Variants in ERBB4 observed in about 807,000 individuals in gnomAD.
ERBB4 encodes the protein receptor tyrosine-protein kinase erbB-4.
In ERBB4, 42 loss-of-function variants were observed where a neutral mutation model predicts 158.0. That is an observed-to-expected ratio of 0.27 (90% CI 0.21 to 0.34). ERBB4 has a LOEUF of 0.34. ERBB4 is among the 10% of genes least tolerant of loss of function. The pLI, the probability that ERBB4 is intolerant of heterozygous loss-of-function variation, is 1.00. For missense variants in ERBB4, 1,333 were observed against 1,624.1 expected (o/e 0.82, Z 3.08); for synonymous variants, 583 against 558.7 (o/e 1.04, Z -0.61).
At chr2:211,515,912 A>ATATTTTTTTTT (rs35696520) in intron 20 of ERBB4, among the ~76,000 whole-genome samples, 1 of 78,984 alleles carries the variant, frequency 1.3e-5, no homozygotes, top group Non-Finnish European at 2.4e-5. Context: ...ATATATATAT[A>ATATTTTTTTTT]TTTTTTTTTT....
intron 20 of ERBB4, among the ~76,000 whole-genome samples, chr2:211,432,507 C>G (rs73067256): frequency 9.9e-5 from 15 of 152,018 alleles, no homozygotes; most frequent in Non-Finnish European, 1.8e-4. Flanking sequence ...CTTTTGCCCT[C>G]TCTCCTAAAC....
intron 22 of ERBB4, among the ~76,000 whole-genome samples, chr2:211,426,474 G>A (rs2063629873): frequency 1.3e-5 from 2 of 152,186 alleles, no homozygotes; most frequent in East Asian, 1.9e-4. Context: ...TATGAATATG[G>A]GTTGATGACC....
chr2:212,155,618 C>T (rs1417724099), intron 1 of ERBB4, among the ~76,000 whole-genome samples: 1 of 151,942 alleles, frequency 6.6e-6, no homozygotes, highest in Non-Finnish European at 1.5e-5. Context: ...TCTTAAACGG[C>T]GACCACAGAA....
chr2:212,335,603 T>C (rs970096474), intron 1 of ERBB4, among the ~76,000 whole-genome samples: 5 of 152,038 alleles, frequency 3.3e-5, no homozygotes, highest in Non-Finnish European at 7.4e-5. Context: ...TATGAATTAA[T>C]ATGGAATAAA....
intron 12 of ERBB4, among the ~76,000 whole-genome samples, chr2:211,700,688 A>C (rs1029740580): frequency 2.0e-5 from 3 of 152,234 alleles, no homozygotes; most frequent in African/African-American, 7.2e-5. Flanking sequence ...AACTTTAAAA[A>C]AGTCTTCTAT....
At chr2:211,584,323 T>G (rs544758560) in intron 19 of ERBB4, among the ~76,000 whole-genome samples, 1 of 152,052 alleles carries the variant, frequency 6.6e-6, no homozygotes, top group East Asian at 1.9e-4. Flanking sequence ...TAATATTTGA[T>G]GTTATGGATA....
At chr2:212,166,769 G>C (rs2081358439) in intron 1 of ERBB4, among the ~76,000 whole-genome samples, 1 of 151,912 alleles carries the variant, frequency 6.6e-6, no homozygotes, top group African/African-American at 2.4e-5. Flanking sequence ...GCAGAACAGA[G>C]GCCTCAGAAA....
chr2:211,435,057 A>G (rs768917731), intron 20 of ERBB4, among the ~76,000 whole-genome samples: 1 of 152,232 alleles, frequency 6.6e-6, no homozygotes, highest in Non-Finnish European at 1.5e-5. Context: ...TCTGTGCTAG[A>G]TTCCTTCAAA....
intron 4 of ERBB4, among the ~76,000 whole-genome samples, chr2:211,751,185 G>A (rs2075121699): frequency 6.6e-6 from 1 of 152,004 alleles, no homozygotes; most frequent in Non-Finnish European, 1.5e-5. Context: ...TAGAATAAAT[G>A]GTAAAATCAT....
intron 20 of ERBB4, among the ~76,000 whole-genome samples, chr2:211,529,658 T>C (rs141854919): frequency 5.0e-4 from 76 of 152,198 alleles, no homozygotes; most frequent in African/African-American, 1.7e-3. Context: ...CATAACCAAG[T>C]GGGATGTATC....
chr2:212,095,189 G>A (rs1435578852), intron 2 of ERBB4, among the ~76,000 whole-genome samples: 1 of 152,084 alleles, frequency 6.6e-6, no homozygotes, highest in African/African-American at 2.4e-5. Context: ...ATTTTTTAAG[G>A]TACTGAAAAC....
At chr2:211,934,249 G>T (rs2080252711) in intron 3 of ERBB4, among the ~76,000 whole-genome samples, 2 of 151,868 alleles carry the variant, frequency 1.3e-5, no homozygotes, top group South Asian at 4.1e-4. Context: ...AAGAAAGGAA[G>T]TCATAAATAT....
At chr2:211,564,772 G>C (rs1169191543) in intron 19 of ERBB4, among the ~76,000 whole-genome samples, 1 of 152,070 alleles carries the variant, frequency 6.6e-6, no homozygotes, top group Non-Finnish European at 1.5e-5. Flanking sequence ...TAATTTTCTA[G>C]AATAAAAGCT....
rs138408390 is a variant in ERBB4 at position 212,289,827 on chromosome 2, G to A, written c.83-164924C>T. ...AAAAAACAAAAAACTTAATTGCACA[G>A]AGTATTCTCAAATTATGTCATCCTG... On this transcript the variant is annotated intron_variant, in intron 1 of 27. Transcript: ENST00000342788. 5.6e-3 allele frequency among the ~76,000 whole-genome samples: 855 copies of A among 152,228 alleles called. 6 individuals carry two copies. The highest frequency in any genetic ancestry group is 0.018 in the African/African-American group (753 of 41,540).
chr2:211,435,336 G>A (rs1338137616), intron 20 of ERBB4, among the ~76,000 whole-genome samples: 1 of 152,084 alleles, frequency 6.6e-6, no homozygotes, highest in Non-Finnish European at 1.5e-5. Flanking sequence ...CCAGTACTTA[G>A]AACACAGCGG....
intron 3 of ERBB4, among the ~76,000 whole-genome samples, chr2:211,897,625 G>T (rs914561908): frequency 2.6e-5 from 4 of 152,038 alleles, no homozygotes; most frequent in African/African-American, 7.2e-5. Context: ...AAAATAATGT[G>T]CAGAATCTTC....
intron 2 of ERBB4, among the ~76,000 whole-genome samples, chr2:212,061,750 T>A (rs1401780751): frequency 6.6e-6 from 1 of 150,888 alleles, no homozygotes; most frequent in Non-Finnish European, 1.5e-5. Context: ...TTTTTTTTTT[T>A]TTTAGACAGA....
intron 1 of ERBB4, among the ~76,000 whole-genome samples, chr2:212,390,642 A>G (rs989420304): frequency 6.6e-6 from 1 of 151,834 alleles, no homozygotes; most frequent in Non-Finnish European, 1.5e-5. Context: ...GAAGATTATA[A>G]TATCTAATAC....
rs773687287 is a variant in ERBB4, at chr2:211,445,521, AG to A, written c.2488-14422del. Among the ~76,000 whole-genome samples, 7 of 152,056 alleles carry A rather than the reference AG, an allele frequency of 4.6e-5. No individual in the cohort carries two copies. The East Asian group carries it at 7.8e-4, about 17-fold the overall frequency. On this transcript the variant is annotated intron_variant, in intron 20 of 27. Transcript: ENST00000342788. ...ATTTATAGGAGAAGAACAAAGACAG[AG>A]TGTTATTTCTTGTGGAGTTGTTGGA...
Sources: gnomAD v4.1 joint callset for allele counts (sites outside exome capture counted in the v4.1 genomes callset) on GRCh38, gnomAD v4.1.1 for gene constraint, MANE v1.5 for transcripts, NCBI Gene and HGNC (gene_info 2026-07-23, HGNC 2026-07-21) for gene names.